SLC24A2: variants seen among roughly 807,000 people sequenced by gnomAD.
SLC24A2 encodes the protein sodium/potassium/calcium exchanger 2.
In SLC24A2, 36 loss-of-function variants were observed where a neutral mutation model predicts 62.0. The ratio of observed to expected loss-of-function variants is 0.58; its 90% CI spans 0.44 to 0.77. The LOEUF is 0.77. SLC24A2 is among the 30% of genes least tolerant of loss of function. SLC24A2 has a pLI of 0.00. For synonymous variants in SLC24A2, 358 were observed against 294.0 expected (o/e 1.22, Z -2.23); for missense variants, 846 against 817.9 (o/e 1.03, Z -0.42).
At chr9:20,034,658 CG>C in the SLC24A2 span, among the ~76,000 whole-genome samples, 1 of 151,844 alleles carries the variant, frequency 6.6e-6, no homozygotes, top group African/African-American at 2.4e-5. Context: ...TTAGTAGAGA[CG>C]GGGTTTCACC....
chr9:19,740,673 A>G (rs1821647706), intron 2 of SLC24A2, among the ~76,000 whole-genome samples: 1 of 152,180 alleles, frequency 6.6e-6, no homozygotes, highest in Admixed American at 6.5e-5. Context: ...GTAACTAAAC[A>G]TCTGGAATTA....
intron 5 of SLC24A2, among the ~76,000 whole-genome samples, chr9:19,580,407 G>A (rs1001060632): frequency 1.3e-5 from 2 of 152,340 alleles, no homozygotes; most frequent in South Asian, 2.1e-4. Flanking sequence ...AACCAGATTC[G>A]CTGATTCCAG....
chr9:19,646,340 C>T (rs180931945), intron 2 of SLC24A2, among the ~76,000 whole-genome samples: 21 of 152,288 alleles, frequency 1.4e-4, no homozygotes, highest in African/African-American at 4.6e-4. Context: ...CATTTCCGTT[C>T]CCTGAAATTG....
At chr9:20,199,620 G>GA in the SLC24A2 span, among the ~76,000 whole-genome samples, 8 of 151,838 alleles carry the variant, frequency 5.3e-5, no homozygotes, top group African/African-American at 1.9e-4. Flanking sequence ...GAAAAAAGGA[G>GA]AAAAAAGTAA....
At chr9:19,736,393 T>C (rs762765386) in intron 2 of SLC24A2, among the ~76,000 whole-genome samples, 9 of 152,148 alleles carry the variant, frequency 5.9e-5, no homozygotes, top group Non-Finnish European at 1.3e-4. Context: ...CAGTACCCAA[T>C]CACCTGCAGC....
At chr9:19,915,299 A>C in the SLC24A2 span, among the ~76,000 whole-genome samples, 2 of 152,286 alleles carry the variant, frequency 1.3e-5, no homozygotes, top group East Asian at 3.9e-4. Context: ...ATTTCATTGC[A>C]TGAATATACC....
chr9:20,203,749 G>C, the SLC24A2 span, among the ~76,000 whole-genome samples: 1 of 152,096 alleles, frequency 6.6e-6, no homozygotes, highest in Non-Finnish European at 1.5e-5. Context: ...AATTAGCTGG[G>C]TGTGGTGACA....
chr9:19,549,837 G>A (rs527355308), intron 8 of SLC24A2, among the ~76,000 whole-genome samples: 1 of 152,318 alleles, frequency 6.6e-6, no homozygotes, highest in African/African-American at 2.4e-5. Context: ...TAAAAGGATG[G>A]TTGTTTCACA....
At chr9:19,811,023 A>G in the SLC24A2 span, among the ~76,000 whole-genome samples, 305 of 152,260 alleles carry the variant, frequency 2.0e-3, 4 homozygotes, top group East Asian at 9.6e-4. Context: ...GTATCTTTCA[A>G]ATAAGTTACG....
the SLC24A2 span, among the ~76,000 whole-genome samples, chr9:20,176,680 G>C: frequency 6.6e-6 from 1 of 152,108 alleles, no homozygotes; most frequent in Non-Finnish European, 1.5e-5. Flanking sequence ...GAGGAAGTTA[G>C]ACATTGGTGA....
At chr9:19,750,726 C>T (rs1363146824) in intron 2 of SLC24A2, among the ~76,000 whole-genome samples, 4 of 152,146 alleles carry the variant, frequency 2.6e-5, no homozygotes, top group Admixed American at 6.6e-5. Flanking sequence ...CGGGGAGACA[C>T]AAAGGTCCTT....
intron 7 of SLC24A2, among the ~76,000 whole-genome samples, chr9:19,572,123 A>T (rs1835853513): frequency 6.6e-6 from 1 of 150,728 alleles, no homozygotes; most frequent in Non-Finnish European, 1.5e-5. Flanking sequence ...AAAAAAAAAA[A>T]TTAGCCGGGT....
chr9:19,816,417 G>T, the SLC24A2 span, among the ~76,000 whole-genome samples: 2 of 152,092 alleles, frequency 1.3e-5, no homozygotes, highest in Admixed American at 6.6e-5. Flanking sequence ...AAGGTGCAAA[G>T]GTGTTTGAGA....
chr9:19,613,256 A>C lies in SLC24A2; in HGVS notation c.1078+6328T>G, dbSNP rs888438530. On this transcript the variant is annotated intron_variant, in intron 4 of 10. Transcript: ENST00000341998. ...TGACTGTGATTGATCACCAGAAAAG[A>C]CTGTGGTATTCCTTTCTCTGAAGTC... 2.0e-5 allele frequency among the ~76,000 whole-genome samples: 3 copies of C among 152,212 alleles called. No individual in the cohort carries two copies. The South Asian group carries it at 6.2e-4, about 32-fold the overall frequency.
intron 7 of SLC24A2, among the ~76,000 whole-genome samples, chr9:19,568,023 C>T (rs1020509635): frequency 2.0e-5 from 3 of 152,164 alleles, no homozygotes; most frequent in African/African-American, 7.2e-5. Flanking sequence ...ACAAGGCAGG[C>T]TAAAGTCTCA....
chr9:19,689,415 G>A (rs1272169353), intron 2 of SLC24A2, among the ~76,000 whole-genome samples: 1 of 152,134 alleles, frequency 6.6e-6, no homozygotes, highest in Non-Finnish European at 1.5e-5. Flanking sequence ...GACTAGTAAG[G>A]GGAGCTGCTG....
intron 5 of SLC24A2, among the ~76,000 whole-genome samples, chr9:19,577,801 C>T (rs1045132169): frequency 5.4e-5 from 8 of 148,678 alleles, no homozygotes; most frequent in Admixed American, 2.7e-4. Context: ...CATCAATCAA[C>T]GAGTGGATAA....
At chr9:19,898,813 T>C in the SLC24A2 span, among the ~76,000 whole-genome samples, 4 of 151,108 alleles carry the variant, frequency 2.6e-5, no homozygotes, top group East Asian at 7.8e-4. Context: ...AGGTGACCAA[T>C]TATTACTCAA....
the SLC24A2 span, among the ~76,000 whole-genome samples, chr9:20,276,395 T>C: frequency 3.9e-5 from 6 of 152,236 alleles, no homozygotes; most frequent in Admixed American, 1.3e-4. Flanking sequence ...TCTCGCATCT[T>C]GGTCACGCTG....
Sources: allele counts gnomAD v4.1 joint callset (sites outside exome capture counted in the v4.1 genomes callset), GRCh38; gene constraint gnomAD v4.1.1; transcripts MANE v1.5; gene names NCBI Gene and HGNC (gene_info 2026-07-23, HGNC 2026-07-21).